MYO1E: variants seen among roughly 807,000 people sequenced by gnomAD.
MYO1E encodes the protein myosin IE.
In MYO1E, 68 loss-of-function variants were observed where a neutral mutation model predicts 151.1. That is an observed-to-expected ratio of 0.45 (90% CI 0.37 to 0.55). The LOEUF (loss-of-function observed/expected upper bound fraction) is 0.55, where lower values mean the gene tolerates loss of function less well. Ranked by LOEUF, MYO1E falls within the 20% of genes least tolerant of loss-of-function variation. The probability of loss-of-function intolerance (pLI) is 0.00; values close to 1 mark genes in which losing one functional copy is unlikely to be tolerated. For synonymous variants in MYO1E, 601 were observed against 501.7 expected (o/e 1.20, Z -2.64); for missense variants, 1,363 against 1,389.3 (o/e 0.98, Z 0.30).
chr15:59,226,512 G>T (rs1299375216), intron 7 of MYO1E, among the ~76,000 whole-genome samples: 1 of 152,136 alleles, frequency 6.6e-6, no homozygotes, highest in Non-Finnish European at 1.5e-5. Context: ...TTTTACAAAA[G>T]TACCTGAATC....
chr15:59,343,972 A>G (rs1567020389), intron 1 of MYO1E, among the ~76,000 whole-genome samples: 1 of 152,118 alleles, frequency 6.6e-6, no homozygotes, highest in South Asian at 2.1e-4. Flanking sequence ...TCTCTTTCTG[A>G]AAGGTCCCAT....
At chr15:59,167,186 G>A (rs748742838) in intron 22 of MYO1E, among the ~76,000 whole-genome samples, 2 of 152,214 alleles carry the variant, frequency 1.3e-5, no homozygotes, top group East Asian at 1.9e-4. Context: ...GGGCAAGAAT[G>A]TTGTGACCAG....
At chr15:59,315,201 G>C (rs2080580257) in intron 1 of MYO1E, among the ~76,000 whole-genome samples, 1 of 151,974 alleles carries the variant, frequency 6.6e-6, no homozygotes, top group Non-Finnish European at 1.5e-5. Context: ...ATTTTTTTAA[G>C]TAAGTTCTCT....
intron 16 of MYO1E, among the ~76,000 whole-genome samples, chr15:59,195,940 G>A (rs561730612): frequency 3.3e-5 from 5 of 152,244 alleles, no homozygotes; most frequent in East Asian, 3.9e-4. Flanking sequence ...CTGATAGAGC[G>A]CCTTTGAAGA....
chr15:59,241,881 T>C (rs2140361135), intron 4 of MYO1E, among the ~76,000 whole-genome samples: 1 of 151,714 alleles, frequency 6.6e-6, no homozygotes, highest in African/African-American at 2.4e-5. Context: ...GTTGAGCTAC[T>C]GCACTCCAGC....
rs369634450 is a variant in MYO1E, at chr15:59,232,824, G to A, written c.421-1033C>T. ...GGAGTAAATTAATGAACTACTAACT[G>A]ACTATGTAACAGCCAAAGTGTTACA... On this transcript the variant is annotated intron_variant, in intron 5 of 27. Transcript: ENST00000288235. 7.2e-5 allele frequency among the ~76,000 whole-genome samples: 11 copies of A among 152,154 alleles called. No individual in the cohort carries two copies. In the East Asian group the frequency reaches 1.3e-3, roughly 19 times the overall value.
chr15:59,210,370 C>T, intron 13 of MYO1E, 144 bp downstream of exon 13: 1 of 681,646 alleles, frequency 1.5e-6, no homozygotes, highest in Non-Finnish European at 2.7e-6. Context: ...TCTTTTCACA[C>T]ATACAGAAAA....
chr15:59,308,863 ATTTG>A (rs1248527620), intron 1 of MYO1E, among the ~76,000 whole-genome samples: 6 of 150,328 alleles, frequency 4.0e-5, no homozygotes, highest in South Asian at 4.2e-4. Context: ...CTCTAGAGGG[ATTTG>A]TTTATTATTT....
intron 15 of MYO1E, among the ~76,000 whole-genome samples, chr15:59,203,727 C>T (rs1212174977): frequency 6.6e-6 from 1 of 152,180 alleles, no homozygotes; most frequent in African/African-American, 2.4e-5. Flanking sequence ...TATACGTCTG[C>T]CTCACTAGCA....
intron 1 of MYO1E, among the ~76,000 whole-genome samples, chr15:59,291,943 A>T (rs116875536): frequency 0.01 from 1,558 of 152,268 alleles, 8 homozygotes; most frequent in Middle Eastern, 0.037. Flanking sequence ...AAAAAATTTT[A>T]AAAAGTTTCC....
chr15:59,363,250 T>C (rs781432196), intron 1 of MYO1E, among the ~76,000 whole-genome samples: 2 of 152,222 alleles, frequency 1.3e-5, no homozygotes, highest in Non-Finnish European at 2.9e-5. Context: ...GTGCTGGGAT[T>C]ACAGGCGTGA....
chr15:59,242,299 G>A (rs1282958819), intron 4 of MYO1E, among the ~76,000 whole-genome samples: 2 of 152,186 alleles, frequency 1.3e-5, no homozygotes, highest in Non-Finnish European at 2.9e-5. Flanking sequence ...CTGGAGTGGG[G>A]AAAATTCAAA....
intron 1 of MYO1E, among the ~76,000 whole-genome samples, chr15:59,312,136 G>A (rs2080556275): frequency 6.6e-6 from 1 of 152,170 alleles, no homozygotes; most frequent in South Asian, 2.1e-4. Context: ...TGAGTCCTGT[G>A]CTTGGCTCTG....
chr15:59,240,686 C>T (rs1456458876), intron 4 of MYO1E, among the ~76,000 whole-genome samples: 1 of 152,190 alleles, frequency 6.6e-6, no homozygotes, highest in Admixed American at 6.5e-5. Flanking sequence ...ACCCCCATCC[C>T]CCATTTCTGA....
intron 1 of MYO1E, among the ~76,000 whole-genome samples, chr15:59,369,057 G>C (rs548560943): frequency 6.6e-6 from 1 of 152,226 alleles, no homozygotes; most frequent in African/African-American, 2.4e-5. Context: ...GTGTTGTTTT[G>C]ACTAGGAGAC....
chr15:59,189,372 CCTTTCCCTTCA>C (rs1383478293), intron 17 of MYO1E, among the ~76,000 whole-genome samples: 5 of 151,964 alleles, frequency 3.3e-5, no homozygotes, highest in African/African-American at 1.2e-4. Context: ...TTCTTCCTTT[CCTTTCCCTTCA>C]CTTTCCCTTC....
At chr15:59,151,240 A>G (rs2079476752) in intron 26 of MYO1E, among the ~76,000 whole-genome samples, 1 of 151,972 alleles carries the variant, frequency 6.6e-6, no homozygotes, top group African/African-American at 2.4e-5. Context: ...ATCCTGGCCA[A>G]CATGGTGAAA....
At chr15:59,287,522 T>C (rs1309624965) in intron 1 of MYO1E, among the ~76,000 whole-genome samples, 1 of 152,186 alleles carries the variant, frequency 6.6e-6, no homozygotes, top group East Asian at 1.9e-4. Flanking sequence ...CACAAATAGG[T>C]AGATTCTGCC....
chr15:59,261,725 C>A (rs2080225392), intron 2 of MYO1E, among the ~76,000 whole-genome samples: 1 of 152,148 alleles, frequency 6.6e-6, no homozygotes, highest in Admixed American at 6.5e-5. Context: ...CAAGGTGCTA[C>A]AAAATGAAAT....
Sources: gnomAD v4.1 joint callset for allele counts (sites outside exome capture counted in the v4.1 genomes callset) on GRCh38, gnomAD v4.1.1 for gene constraint, MANE v1.5 for transcripts, NCBI Gene and HGNC (gene_info 2026-07-23, HGNC 2026-07-21) for gene names.